ZSWIM5: variants seen among roughly 807,000 people sequenced by gnomAD.
ZSWIM5 encodes the protein zinc finger SWIM domain-containing protein 5.
In ZSWIM5, 55 loss-of-function variants were observed where a neutral mutation model predicts 119.6. The ratio of observed to expected loss-of-function variants is 0.46; its 90% CI spans 0.37 to 0.58. The LOEUF is 0.58. Ranked by LOEUF, ZSWIM5 falls within the 20% of genes least tolerant of loss-of-function variation. The probability of loss-of-function intolerance (pLI) is 0.00; values close to 1 mark genes in which losing one functional copy is unlikely to be tolerated. For missense variants in ZSWIM5, 1,193 were observed against 1,512.8 expected, an observed-to-expected ratio of 0.79 and a Z score of 3.51; for synonymous variants, 537 against 606.9, an observed-to-expected ratio of 0.88 and a Z score of 1.69.
Position 45,040,479 on chromosome 1 carries a change from C to G in ZSWIM5, c.1669G>C (p.Glu557Gln), listed in dbSNP as rs1211254199. ...DALRSHGYPK[E>Q]ALRLTVAIIN... is the part of the protein sequence containing the mutation. ...ATGGCCACTGTGAGTCTGAGGGCCTCTTTTGGATAACCATGGGAACGCAGG... is the reference window on the plus strand; with the variant it reads ...ATGGCCACTGTGAGTCTGAGGGCCTGTTTTGGATAACCATGGGAACGCAGG... Residue 557 changes from glutamate (E) to glutamine (Q), a missense_variant, in exon 7 of 14, where the codon GAG becomes CAG. This residue lies in a region of ZSWIM5 where 961 missense variants were observed against 1,290.0 expected (regional missense o/e 0.74). Transcript: ENST00000359600. The G allele has an allele frequency of 6.2e-7, 1 of 1,612,434 alleles. No homozygotes were observed. The highest frequency in any genetic ancestry group is 1.6e-4 in the Middle Eastern group (1 of 6,062).
intron 1 of ZSWIM5, among the ~76,000 whole-genome samples, chr1:45,198,687 CTTT>C (rs1229183617): frequency 6.6e-6 from 1 of 152,162 alleles, no homozygotes; most frequent in African/African-American, 2.4e-5. Flanking sequence ...CTTCTGACTT[CTTT>C]TTGTTCCCTA....
At chr1:45,153,816 C>T (rs1282358015) in intron 1 of ZSWIM5, among the ~76,000 whole-genome samples, 1 of 152,108 alleles carries the variant, frequency 6.6e-6, no homozygotes, top group Non-Finnish European at 1.5e-5. Context: ...TCGCTGTTTG[C>T]ATCTGATGAT....
At chr1:45,199,166 T>C (rs928602436) in intron 1 of ZSWIM5, among the ~76,000 whole-genome samples, 8 of 152,168 alleles carry the variant, frequency 5.3e-5, no homozygotes, top group Admixed American at 5.2e-4. Flanking sequence ...GTGTGTGTAA[T>C]GTAGGTATTT....
intron 1 of ZSWIM5, among the ~76,000 whole-genome samples, chr1:45,169,935 C>T (rs575099391): frequency 1.3e-5 from 2 of 152,140 alleles, no homozygotes; most frequent in African/African-American, 4.8e-5. Flanking sequence ...AAAAATTCCA[C>T]ACGGTTAACA....
intron 1 of ZSWIM5, among the ~76,000 whole-genome samples, chr1:45,156,514 G>A (rs1384052684): frequency 2.0e-5 from 3 of 151,788 alleles, no homozygotes; most frequent in Admixed American, 6.6e-5. Context: ...CAGTTTTCTG[G>A]CTGTACAATT....
chr1:45,182,654 T>G (rs1203577202), intron 1 of ZSWIM5, among the ~76,000 whole-genome samples: 7 of 151,972 alleles, frequency 4.6e-5, no homozygotes, highest in Non-Finnish European at 7.4e-5. Flanking sequence ...GACAAAGAAG[T>G]CCATTACATA....
intron 2 of ZSWIM5, among the ~76,000 whole-genome samples, chr1:45,061,267 C>G (rs1268940505): frequency 1.3e-5 from 2 of 152,006 alleles, no homozygotes; most frequent in Non-Finnish European, 2.9e-5. Context: ...ATCTTTCACT[C>G]TCTTATAGAC....
At chr1:45,118,737 C>CAAAAAAAAAAAAAAA in intron 1 of ZSWIM5, among the ~76,000 whole-genome samples, 2 of 95,254 alleles carry the variant, frequency 2.1e-5, no homozygotes, top group Admixed American at 1.2e-4. Context: ...GAACCTGTCT[C>CAAAAAAAAAAAAAAA]AAAAAAAAAA....
At chr1:45,159,434 T>C (rs1458899459) in intron 1 of ZSWIM5, among the ~76,000 whole-genome samples, 1 of 152,162 alleles carries the variant, frequency 6.6e-6, no homozygotes, top group Non-Finnish European at 1.5e-5. Context: ...TATAAACCTC[T>C]TACTTAACAC....
intron 2 of ZSWIM5, among the ~76,000 whole-genome samples, chr1:45,073,052 A>G (rs902040083): frequency 1.3e-5 from 2 of 151,884 alleles, no homozygotes; most frequent in African/African-American, 2.4e-5. Context: ...CCAATCCATG[A>G]ACATGGAATA....
intron 4 of ZSWIM5, among the ~76,000 whole-genome samples, chr1:45,055,291 G>GT (rs542228146): frequency 1.3e-3 from 199 of 151,852 alleles, no homozygotes; most frequent in Non-Finnish European, 2.2e-3. Context: ...TGCCCGGCCA[G>GT]TTTTTTGTAT....
At chr1:45,020,317 T>C (rs1644880550) in intron 12 of ZSWIM5, among the ~76,000 whole-genome samples, 170 bp from the exon 13 acceptor site, 1 of 152,178 alleles carries the variant, frequency 6.6e-6, no homozygotes, top group Non-Finnish European at 1.5e-5. Context: ...ACCAATCAGA[T>C]AGGAAGCTTC....
Position 45,088,041 on chromosome 1 carries a change from C to G in ZSWIM5, c.792G>C (p.Leu264Phe). The G allele has an allele frequency of 6.2e-7, 1 of 1,614,132 alleles. No homozygotes were observed. Among genetic ancestry groups the G allele is most frequent in the Non-Finnish European group, 8.5e-7 (1 of 1,180,010 alleles). Reference sequence around the variant, plus strand: ...AAAGGGTTTCGGAGATAGGAAGACGCAATTTGACTTGGTCTGGTTTACGGA... The same window carrying G: ...AAAGGGTTTCGGAGATAGGAAGACGGAATTTGACTTGGTCTGGTTTACGGA... ...YRIRKPDQVK[L>F]RLPISETLFQ... The change falls in exon 2 of 14, where the codon TTG becomes TTC. Residue 264 changes from leucine (L) to phenylalanine (F), a missense_variant. Leu to Phe is a conservative substitution (Grantham distance 22). Around this residue, in one of 2 missense-constraint regions of ZSWIM5, gnomAD observed 961 missense variants for 1,290.0 expected, o/e 0.74. Coordinates refer to ENST00000359600, the MANE Select transcript of ZSWIM5 (RefSeq NM_020883.2). This position sits in a 1 kb window ranked among gnomAD's most constrained non-coding sequence, Gnocchi z 4.2.
In ZSWIM5 at chr1:45,159,421, G is replaced by T. The variant is rs542673364; in HGVS notation, c.595+46335C>A. Reference sequence around the variant, plus strand: ...TGTCACTATAATGAGGATTAAATAAGTTTATAAACCTCTTACTTAACACAG... The same window carrying T: ...TGTCACTATAATGAGGATTAAATAATTTTATAAACCTCTTACTTAACACAG... On this transcript the variant is annotated intron_variant, in intron 1 of 13. Coordinates refer to ENST00000359600, the MANE Select transcript of ZSWIM5 (RefSeq NM_020883.2). Among the ~76,000 whole-genome samples, 97 of 152,108 alleles carry T rather than the reference G, an allele frequency of 6.4e-4. 1 individual carries two copies. In the East Asian group the frequency reaches 0.018, roughly 28 times the overall value.
chr1:45,146,431 CTTTTTTTTT>C (rs35073818), intron 1 of ZSWIM5, among the ~76,000 whole-genome samples: 2 of 45,882 alleles, frequency 4.4e-5, no homozygotes, highest in East Asian at 6.9e-4. Flanking sequence ...TGTTTCTAGA[CTTTTTTTTT>C]TTTTTTTTTT....
At chr1:45,080,501 C>T (rs369386375) in intron 2 of ZSWIM5, among the ~76,000 whole-genome samples, 1 of 152,238 alleles carries the variant, frequency 6.6e-6, no homozygotes, top group African/African-American at 2.4e-5. Context: ...GACTGCTGGG[C>T]GATTGGGGAG....
chr1:45,029,384 A>G lies in ZSWIM5; in HGVS notation c.2449+4928T>C, dbSNP rs557097933. ...TTCCTGATGTTTCCTTATTAGATGT[A>G]CATTTGCACTTTTGGCTGTAATGTC... is the stretch of plus-strand genomic sequence containing the variant. On this transcript the variant is annotated intron_variant, in intron 11 of 13. Coordinates refer to ENST00000359600, the MANE Select transcript of ZSWIM5 (RefSeq NM_020883.2). 3.3e-5 allele frequency among the ~76,000 whole-genome samples: 5 copies of G among 152,276 alleles called. No homozygotes were observed. The East Asian group carries it at 7.7e-4, about 23-fold the overall frequency.
chr1:45,144,701 A>T (rs1206778136), intron 1 of ZSWIM5, among the ~76,000 whole-genome samples: 1 of 152,220 alleles, frequency 6.6e-6, no homozygotes, highest in Admixed American at 6.5e-5. Context: ...TTGTACAAAA[A>T]TGTTTAAACT....
intron 2 of ZSWIM5, among the ~76,000 whole-genome samples, chr1:45,077,896 G>A (rs1645265021): frequency 1.3e-5 from 2 of 152,160 alleles, no homozygotes; most frequent in African/African-American, 4.8e-5. Flanking sequence ...GCTCACTGGC[G>A]GTCAGAGTTT....
Sources: allele counts gnomAD v4.1 joint callset (sites outside exome capture counted in the v4.1 genomes callset), GRCh38; gene constraint gnomAD v4.1.1; regional missense constraint gnomAD v4.1.1; non-coding constraint Gnocchi (gnomAD v3.1); transcripts MANE v1.5; gene names NCBI Gene and HGNC (gene_info 2026-07-23, HGNC 2026-07-21).